TRAF3IP1: variants seen among roughly 807,000 people sequenced by gnomAD.
The protein encoded by TRAF3IP1 is intraflagellar transport 54.
A neutral mutation model predicts 89.9 loss-of-function variants in TRAF3IP1; 53 were observed. The observed-to-expected ratio is 0.59, with a 90% CI of 0.47 to 0.74. TRAF3IP1 has a LOEUF of 0.74. Ranked by LOEUF, TRAF3IP1 falls within the 30% of genes least tolerant of loss-of-function variation. The pLI is 0.00. For missense variants in TRAF3IP1, 806 were observed against 866.1 expected, an observed-to-expected ratio of 0.93 and a Z score of 0.87; for synonymous variants, 311 against 322.1, an observed-to-expected ratio of 0.97 and a Z score of 0.37.
chr2:238,325,569 T>C (rs1243102004), intron 2 of TRAF3IP1, among the ~76,000 whole-genome samples, 195 bp downstream of exon 2: 1 of 152,250 alleles, frequency 6.6e-6, no homozygotes, highest in African/African-American at 2.4e-5. Flanking sequence ...ATGCTAGTTT[T>C]ATTCACTGAA....
Position 238,398,794 on chromosome 2 carries a change from G to T in TRAF3IP1, c.1951G>T (p.Ala651Ser), listed in dbSNP as rs199665200. The T allele has an allele frequency of 1.2e-6, 2 of 1,612,146 alleles. No individual in the cohort carries two copies. Among genetic ancestry groups the T allele is most frequent in the East Asian group, 2.2e-5 (1 of 44,856 alleles). The change falls in exon 17 of 17, where the codon GCG becomes TCG. Residue 651 changes from alanine (A) to serine (S), a missense_variant. Around this residue, in one of 3 missense-constraint regions of TRAF3IP1, gnomAD observed 70 missense variants for 67.8 expected, o/e 1.03. Transcript: ENST00000373327. ...CAVEPLKAEL[A>S]ELEQLIKDQQ... ...CGTGGAGCCCTTAAAGGCTGAGCTC[G>T]CGGAGCTGGAGCAGCTGATCAAAGA...
intron 15 of TRAF3IP1, among the ~76,000 whole-genome samples, chr2:238,361,642 C>A (rs1453723583): frequency 6.6e-6 from 1 of 152,084 alleles, no homozygotes; most frequent in Non-Finnish European, 1.5e-5. Flanking sequence ...TGCTGTGTCT[C>A]TCCTTGTTTC....
chr2:238,399,186 T>C lies in TRAF3IP1; in HGVS notation c.*267T>C, dbSNP rs1574987946. The C allele has an allele frequency of 3.8e-5, 12 of 319,762 alleles. No homozygotes were observed. In the South Asian group the frequency reaches 4.7e-4, roughly 13 times the overall value. The allele number at this position is 319,762 out of a possible 1,614,324, so 19.8% of individuals were successfully genotyped here. On this transcript the variant is annotated 3_prime_UTR_variant, in exon 17 of 17. Coordinates refer to ENST00000373327, the MANE Select transcript of TRAF3IP1 (RefSeq NM_015650.4). ...TGTGAAAAGTTTTTTTGAAAGCCTG[T>C]TCTTTGTGTTTCTGCTGTAACCTGT...
chr2:238,322,459 C>T (rs760717976), intron 1 of TRAF3IP1, among the ~76,000 whole-genome samples: 4 of 152,100 alleles, frequency 2.6e-5, no homozygotes, highest in Non-Finnish European at 4.4e-5. Flanking sequence ...GAGGCCAAGG[C>T]GGGCAGATCA....
rs1701413086 is a variant in TRAF3IP1 at position 238,400,336 on chromosome 2, CGCCT to C, written c.*1422_*1425del. On this transcript the variant is annotated 3_prime_UTR_variant, in exon 17 of 17. Transcript: ENST00000373327. The stretch of plus-strand genomic sequence containing the variant: ...GTCTCCACCTCCTGACCTCGTGATC[CGCCT>C]GCCTCGGCCTCCCAAAGTGCTGGGA... 6.6e-6 allele frequency: 1 copy of C among 152,258 alleles called. No homozygotes were observed. Among genetic ancestry groups the C allele is most frequent in the South Asian group, 2.1e-4 (1 of 4,830 alleles). 9.4% of individuals were successfully genotyped at this position (152,258 alleles called of 1,614,324 possible).
chr2:238,340,916 GGCATGA>G (rs1698622732), intron 8 of TRAF3IP1, among the ~76,000 whole-genome samples: 1 of 151,984 alleles, frequency 6.6e-6, no homozygotes, highest in African/African-American at 2.4e-5. Context: ...CGGGTACAGT[GGCATGA>G]TCTCAGCTCA....
chr2:238,357,260 T>C (rs1230121886), intron 15 of TRAF3IP1, among the ~76,000 whole-genome samples: 1 of 152,206 alleles, frequency 6.6e-6, no homozygotes, highest in Non-Finnish European at 1.5e-5. Context: ...GTGTCTCAAA[T>C]GCCACAGCCA....
chr2:238,382,482 A>G (rs1371821940), intron 15 of TRAF3IP1, among the ~76,000 whole-genome samples: 1 of 152,244 alleles, frequency 6.6e-6, no homozygotes, highest in African/African-American at 2.4e-5. Context: ...GCAACAGAAG[A>G]ACTTTATATA....
At chr2:238,335,408 T>C (rs1698335781) in intron 7 of TRAF3IP1, among the ~76,000 whole-genome samples, 2 of 152,224 alleles carry the variant, frequency 1.3e-5, no homozygotes, top group African/African-American at 4.8e-5. Context: ...GTGAAGCCTT[T>C]TGTAGTCTGG....
intron 15 of TRAF3IP1, among the ~76,000 whole-genome samples, chr2:238,385,205 CAG>C (rs976762449): frequency 1.3e-5 from 2 of 151,838 alleles, no homozygotes; most frequent in Non-Finnish European, 2.9e-5. Context: ...TTAGTAGAGA[CAG>C]GGGTTTCACC....
chr2:238,342,278 C>T (rs928463469), intron 8 of TRAF3IP1, among the ~76,000 whole-genome samples: 21 of 152,220 alleles, frequency 1.4e-4, no homozygotes, highest in East Asian at 3.9e-4. Flanking sequence ...TGTGAGCCAC[C>T]GCTCCTGGCC....
chr2:238,323,600 G>A (rs1697668355), intron 1 of TRAF3IP1, among the ~76,000 whole-genome samples: 1 of 152,162 alleles, frequency 6.6e-6, no homozygotes, highest in Admixed American at 6.5e-5. Context: ...TGATTCCAGA[G>A]GAGGCTCTCA....
chr2:238,366,307 G>T (rs1415555226), intron 15 of TRAF3IP1, among the ~76,000 whole-genome samples: 1 of 152,060 alleles, frequency 6.6e-6, no homozygotes, highest in African/African-American at 2.4e-5. Context: ...GTGTATTATA[G>T]ACCACAAAAA....
chr2:238,353,579 C>G (rs1218666141), intron 14 of TRAF3IP1, among the ~76,000 whole-genome samples: 1 of 152,146 alleles, frequency 6.6e-6, no homozygotes, highest in Non-Finnish European at 1.5e-5. Flanking sequence ...CTGGACAACT[C>G]AGTAGTGCAA....
At position 238,347,489 on chromosome 2, in the gene TRAF3IP1, T is replaced by G. The variant is rs768283739; in HGVS notation, c.1282+14T>G. On this transcript the variant is annotated intron_variant, in intron 10 of 16. Coordinates refer to ENST00000373327, the MANE Select transcript of TRAF3IP1 (RefSeq NM_015650.4). ...CCAGTGATGCAGGTGAGGAATGGCC[T>G]TAGATACCTGTGTGTCATATCAATT... The G allele has an allele frequency of 1.9e-6, 3 of 1,613,942 alleles. No individual in the cohort carries two copies. Among genetic ancestry groups the G allele is most frequent in the Admixed American group, 3.3e-5 (2 of 60,014 alleles).
rs1049900576 is a variant in TRAF3IP1 at position 238,345,126 on chromosome 2, T to C, written c.1261+528T>C. On this transcript the variant is annotated intron_variant, in intron 9 of 16. Coordinates refer to ENST00000373327, the MANE Select transcript of TRAF3IP1 (RefSeq NM_015650.4). This position sits in a 1 kb window ranked among gnomAD's most constrained non-coding sequence, Gnocchi z 4.7. ...CCTAACAGGCCTGCAAGGGTACCAG[T>C]GCCCAGGTAACCAAGGCTTGTGCAG... Among the ~76,000 whole-genome samples, 8 of 152,222 alleles carry C rather than the reference T, an allele frequency of 5.3e-5. 1 individual carries two copies. The highest frequency in any genetic ancestry group is 1.9e-4 in the African/African-American group (8 of 41,464).
At chr2:238,332,955 A>C (rs1698202724) in intron 6 of TRAF3IP1, 60 bp downstream of exon 6, 12 of 1,307,766 alleles carry the variant, frequency 9.2e-6, no homozygotes, top group South Asian at 3.6e-5. Context: ...GAAATAGTGA[A>C]TGCTGTGCGC....
At position 238,400,189 on chromosome 2, in the gene TRAF3IP1, G is replaced by A. The variant is rs11676139; in HGVS notation, c.*1270G>A. On this transcript the variant is annotated 3_prime_UTR_variant, in exon 17 of 17. Coordinates refer to ENST00000373327, the MANE Select transcript of TRAF3IP1 (RefSeq NM_015650.4). ...CGGCTCACTGCAACCACCGCCTCCC[G>A]AGTTCAAGTGATTCTCCTGCCTCAG... 0.22 allele frequency: 32,503 copies of A among 150,788 alleles called. 4,213 individuals carry two copies. The highest frequency in any genetic ancestry group is 0.28 in the Non-Finnish European group (18,950 of 67,782). The allele number at this position is 150,788 out of a possible 1,614,324, so 9.3% of individuals were successfully genotyped here.
intron 1 of TRAF3IP1, among the ~76,000 whole-genome samples, chr2:238,321,718 G>T (rs969727020): frequency 5.9e-5 from 9 of 152,194 alleles, no homozygotes; most frequent in African/African-American, 1.9e-4. Context: ...ACTGCAGCGG[G>T]CGCAGCACCC....
Sources: gnomAD v4.1 joint callset for allele counts (sites outside exome capture counted in the v4.1 genomes callset) on GRCh38, gnomAD v4.1.1 for gene constraint, gnomAD v4.1.1 regional missense constraint, Gnocchi (gnomAD v3.1) non-coding constraint, MANE v1.5 for transcripts, NCBI Gene and HGNC (gene_info 2026-07-23, HGNC 2026-07-21) for gene names.